SORCS2: variants seen among roughly 807,000 people sequenced by gnomAD.
SORCS2 encodes the protein VPS10 domain-containing receptor SorCS2.
In SORCS2, 100 loss-of-function variants were observed where a neutral mutation model predicts 141.6. The ratio of observed to expected loss-of-function variants is 0.71; its 90% CI spans 0.60 to 0.83. SORCS2 has a LOEUF of 0.83. SORCS2 is among the 40% of genes least tolerant of loss of function. The pLI is 0.00. For missense variants in SORCS2, 1,646 were observed against 1,560.2 expected (o/e 1.05, Z -0.93); for synonymous variants, 789 against 676.9 (o/e 1.17, Z -2.57).
At chr4:7,734,433 G>A in intron 25 of SORCS2, 59 bp downstream of exon 25, 1 of 1,219,712 alleles carries the variant, frequency 8.2e-7, no homozygotes, top group East Asian at 2.7e-5. Flanking sequence ...TAGGAAGCCA[G>A]GCCCAACTCA....
Position 7,726,892 on chromosome 4 carries a change from T to TTA in SORCS2, c.2858_2859insTA (p.Arg954ThrfsTer52). 1 of 1,613,274 alleles carries TTA rather than the reference T, an allele frequency of 6.2e-7. No homozygotes were observed. The highest frequency in any genetic ancestry group is 8.5e-7 in the Non-Finnish European group (1 of 1,179,452). ...TCGGTGCTGCAGGACTCCAGGGTCC[T>TTA]CCGTGTGCTGGGTAAGTACTTCCTG... On this transcript the variant is annotated frameshift_variant, in exon 21 of 27. Transcript: ENST00000507866. LOFTEE classifies it high-confidence loss of function.
intron 3 of SORCS2, among the ~76,000 whole-genome samples, chr4:7,535,759 T>G (rs1023406884): frequency 6.6e-6 from 1 of 152,220 alleles, no homozygotes; most frequent in African/African-American, 2.4e-5. Context: ...CTGTGTCTGT[T>G]GGAGGGACCA....
At chr4:7,239,672 A>G (rs1462795206) in intron 1 of SORCS2, among the ~76,000 whole-genome samples, 2 of 152,324 alleles carry the variant, frequency 1.3e-5, no homozygotes, top group East Asian at 3.9e-4. Context: ...CTTGGCCCCC[A>G]GGATAGGCCT....
chr4:7,378,824 C>T (rs551616704), intron 1 of SORCS2, among the ~76,000 whole-genome samples: 11 of 152,284 alleles, frequency 7.2e-5, no homozygotes, highest in Admixed American at 2.6e-4. Context: ...CAAGTCTGCC[C>T]GCATCAGGTC....
At chr4:7,620,276 T>C (rs928214070) in intron 3 of SORCS2, among the ~76,000 whole-genome samples, 7 of 152,264 alleles carry the variant, frequency 4.6e-5, no homozygotes, top group Admixed American at 2.6e-4. Context: ...TTGGGCTTTG[T>C]TGGGAACAAG....
At chr4:7,230,469 G>A (rs1047136930) in intron 1 of SORCS2, among the ~76,000 whole-genome samples, 1 of 133,790 alleles carries the variant, frequency 7.5e-6, no homozygotes, top group Non-Finnish European at 1.6e-5. Context: ...TCAAGTCTTC[G>A]AGTCTCTGGG....
intron 2 of SORCS2, among the ~76,000 whole-genome samples, chr4:7,426,499 G>A (rs911478484): frequency 1.3e-5 from 2 of 152,326 alleles, no homozygotes; most frequent in African/African-American, 4.8e-5. Flanking sequence ...TGAAGCAGGA[G>A]GATTGGTTGA....
intron 2 of SORCS2, among the ~76,000 whole-genome samples, chr4:7,528,641 G>C (rs780379319): frequency 1.3e-5 from 2 of 152,102 alleles, no homozygotes; most frequent in African/African-American, 2.4e-5. Flanking sequence ...GGCCAGTCTG[G>C]TCTGAAACTC....
chr4:7,419,897 A>G (rs900800329), intron 2 of SORCS2, among the ~76,000 whole-genome samples: 2 of 152,174 alleles, frequency 1.3e-5, no homozygotes, highest in Non-Finnish European at 1.5e-5. Context: ...CACTTGTGCA[A>G]TGGTCCAATG....
chr4:7,683,216 A>G (rs34172013), intron 10 of SORCS2, among the ~76,000 whole-genome samples: 1 of 148,904 alleles, frequency 6.7e-6, no homozygotes, highest in Middle Eastern at 3.5e-3. Context: ...TGAGCTGGGC[A>G]GCTCTGCTGA....
chr4:7,700,242 A>C (rs991720979), intron 12 of SORCS2, among the ~76,000 whole-genome samples: 1 of 152,174 alleles, frequency 6.6e-6, no homozygotes, highest in Non-Finnish European at 1.5e-5. Context: ...CCTAAAACAA[A>C]ATGTCATTTG....
At chr4:7,278,784 A>G (rs914031471) in intron 1 of SORCS2, among the ~76,000 whole-genome samples, 7 of 152,164 alleles carry the variant, frequency 4.6e-5, no homozygotes, top group African/African-American at 1.7e-4. Context: ...TTTCAAGCAA[A>G]ATGGATCAGT....
chr4:7,481,102 C>T (rs961983715), intron 2 of SORCS2, among the ~76,000 whole-genome samples: 1 of 152,246 alleles, frequency 6.6e-6, no homozygotes, highest in African/African-American at 2.4e-5. Flanking sequence ...GTGGCCCTGC[C>T]TGGAGGGCCC....
At chr4:7,262,783 C>T (rs1714449644) in intron 1 of SORCS2, among the ~76,000 whole-genome samples, 1 of 152,198 alleles carries the variant, frequency 6.6e-6, no homozygotes, top group Non-Finnish European at 1.5e-5. Flanking sequence ...CTTTCCATGC[C>T]TCCTGGGTCT....
chr4:7,693,739 A>G (rs1724406409), intron 11 of SORCS2, among the ~76,000 whole-genome samples: 1 of 152,248 alleles, frequency 6.6e-6, no homozygotes, highest in Non-Finnish European at 1.5e-5. Flanking sequence ...GGCTTGACTC[A>G]GGGAACTGAG....
intron 5 of SORCS2, among the ~76,000 whole-genome samples, chr4:7,660,224 C>G (rs1037589195): frequency 6.6e-6 from 1 of 152,208 alleles, no homozygotes; most frequent in Non-Finnish European, 1.5e-5. Flanking sequence ...TTAAAGACTT[C>G]GCCCAGCAGG....
At chr4:7,673,946 A>ATGG (rs1722945670) in intron 8 of SORCS2, among the ~76,000 whole-genome samples, 1 of 152,162 alleles carries the variant, frequency 6.6e-6, no homozygotes, top group Non-Finnish European at 1.5e-5. Context: ...ACCTTCCCCT[A>ATGG]GTCAGGCAGC....
intron 1 of SORCS2, among the ~76,000 whole-genome samples, chr4:7,230,534 C>T (rs1339114663): frequency 5.7e-5 from 6 of 105,430 alleles, no homozygotes; most frequent in South Asian, 7.0e-4. Context: ...TCAAGTCTTC[C>T]AGTGTCTGGG....
chr4:7,277,120 C>T (rs1180710367), intron 1 of SORCS2, among the ~76,000 whole-genome samples: 1 of 109,500 alleles, frequency 9.1e-6, no homozygotes, highest in African/African-American at 3.6e-5. Flanking sequence ...TCCTGGGCTC[C>T]TTTGGCTGTG....
Sources: allele counts gnomAD v4.1 joint callset (sites outside exome capture counted in the v4.1 genomes callset), GRCh38; gene constraint gnomAD v4.1.1; transcripts MANE v1.5; gene names NCBI Gene and HGNC (gene_info 2026-07-23, HGNC 2026-07-21).